The following LHPP variants were observed in gnomAD, a reference collection of about 807,000 sequenced individuals.
LHPP encodes hLHPP.
A neutral mutation model predicts 30.3 loss-of-function variants in LHPP; 24 were observed. The observed-to-expected ratio is 0.79, with a 90% CI of 0.57 to 1.11. The LOEUF is 1.11. LHPP is among the 50% of genes most tolerant of loss of function. The pLI, the probability that LHPP is intolerant of heterozygous loss-of-function variation, is 0.00. For synonymous variants in LHPP, 150 were observed against 157.1 expected, an observed-to-expected ratio of 0.95 and a Z score of 0.34; for missense variants, 356 against 367.2, an observed-to-expected ratio of 0.97 and a Z score of 0.25.
intron 5 of LHPP, among the ~76,000 whole-genome samples, chr10:124,502,718 G>C (rs1387222160): frequency 8.4e-6 from 1 of 119,266 alleles, no homozygotes. Context: ...CTGTCACCCA[G>C]GCTGGAGTAC....
intron 5 of LHPP, among the ~76,000 whole-genome samples, chr10:124,502,637 G>GGATTACA (rs1276426544): frequency 1.3e-5 from 2 of 148,846 alleles, no homozygotes; most frequent in Non-Finnish European, 3.0e-5. Context: ...CAAAGTGCCG[G>GGATTACA]GATTACAGAC....
At chr10:124,578,044 A>G (rs1028134728) in intron 6 of LHPP, among the ~76,000 whole-genome samples, 11 of 152,158 alleles carry the variant, frequency 7.2e-5, no homozygotes, top group Middle Eastern at 3.4e-3. Flanking sequence ...GAGTGGCCCC[A>G]GCCGAGAACC....
At chr10:124,568,946 TC>T (rs36056203) in intron 6 of LHPP, among the ~76,000 whole-genome samples, 72,437 of 151,718 alleles carry the variant, frequency 0.48, 17,858 homozygotes, top group South Asian at 0.66. Flanking sequence ...GCATGTTCTG[TC>T]CCCCCCACGG....
At chr10:124,492,428 T>C (rs1347067159) in intron 3 of LHPP, among the ~76,000 whole-genome samples, 1 of 152,182 alleles carries the variant, frequency 6.6e-6, no homozygotes, top group East Asian at 1.9e-4. Flanking sequence ...AGGGCAGGGC[T>C]GGCAGGCTAG....
intron 1 of LHPP, among the ~76,000 whole-genome samples, chr10:124,474,455 G>A (rs910111055): frequency 6.6e-6 from 1 of 152,048 alleles, no homozygotes; most frequent in South Asian, 2.1e-4. Context: ...AAGTCTTGTA[G>A]TTGTTGAACT....
intron 5 of LHPP, among the ~76,000 whole-genome samples, chr10:124,499,367 G>A (rs929553805): frequency 3.3e-5 from 5 of 151,844 alleles, no homozygotes; most frequent in Admixed American, 6.5e-5. Flanking sequence ...GTGGGCAGCC[G>A]GCATGGAGGC....
At chr10:124,474,170 C>G (rs1358442577) in intron 1 of LHPP, among the ~76,000 whole-genome samples, 1 of 115,360 alleles carries the variant, frequency 8.7e-6, no homozygotes, top group Non-Finnish European at 1.7e-5. Flanking sequence ...GACAGGGTCT[C>G]ACTTTGTCAC....
In LHPP at chr10:124,498,058, A is replaced by AG. The variant is rs1953780626; in HGVS notation, c.556dup (p.Val186GlyfsTer8). ...CAGTATGCCTGTGGCATCAAAGCCGAGGTGGTGGGGAAGCCTTCTCCTGAG... is the reference window on the plus strand; with the variant it reads ...CAGTATGCCTGTGGCATCAAAGCCGAGGGTGGTGGGGAAGCCTTCTCCTGAG... On this transcript the variant is annotated frameshift_variant, in exon 5 of 7. Transcript: ENST00000368842. LOFTEE classifies it high-confidence loss of function. 1 of 1,614,020 alleles carries AG rather than the reference A, an allele frequency of 6.2e-7. No individual in the cohort carries two copies. The highest frequency in any genetic ancestry group is 8.5e-7 in the Non-Finnish European group (1 of 1,179,940).
intron 6 of LHPP, among the ~76,000 whole-genome samples, chr10:124,534,782 G>A (rs1266473624): frequency 6.6e-6 from 1 of 152,226 alleles, no homozygotes; most frequent in African/African-American, 2.4e-5. Flanking sequence ...GGCGCTGTCG[G>A]TGGTGTGGCT....
intron 4 of LHPP, among the ~76,000 whole-genome samples, chr10:124,497,640 C>T (rs968848033): frequency 8.7e-4 from 132 of 152,304 alleles, no homozygotes; most frequent in African/African-American, 3.1e-3. Context: ...GAGGGAGAGG[C>T]AGACGAGCAG....
rs1293255607 is a variant in LHPP, at chr10:124,461,887, G to C, written c.25G>C (p.Ala9Pro). 5.6e-6 allele frequency: 7 copies of C among 1,257,218 alleles called. No individual in the cohort carries two copies. In the East Asian group the frequency reaches 1.8e-4, roughly 33 times the overall value. 77.9% of individuals were successfully genotyped at this position (1,257,218 alleles called of 1,614,324 possible). Residue 9 changes from alanine (A) to proline (P), a missense_variant, in exon 1 of 7, where the codon GCT (alanine) becomes CCT (proline). Physicochemically the swap from Ala to Pro is conservative, Grantham distance 27. Transcript: ENST00000368842. MAPWGKRL[A>P]GVRGVLLDIS... ...CATGGCACCGTGGGGCAAGCGGCTG[G>C]CTGGCGTGCGCGGGGTGCTGCTTGA...
At chr10:124,522,022 G>A (rs1394530657) in intron 6 of LHPP, among the ~76,000 whole-genome samples, 1 of 152,160 alleles carries the variant, frequency 6.6e-6, no homozygotes, top group Non-Finnish European at 1.5e-5. Flanking sequence ...TTATAAAATG[G>A]CCCAAAGAGA....
intron 1 of LHPP, among the ~76,000 whole-genome samples, chr10:124,480,955 T>C (rs1270078203): frequency 6.6e-6 from 1 of 152,118 alleles, no homozygotes; most frequent in East Asian, 1.9e-4. Context: ...CTGTTTCTGT[T>C]GGGGGTTATA....
In LHPP at chr10:124,613,760, T is replaced by C. The variant is rs1464161577; in HGVS notation, c.*400T>C. On this transcript the variant is annotated 3_prime_UTR_variant, in exon 7 of 7. Coordinates refer to ENST00000368842, the MANE Select transcript of LHPP (RefSeq NM_022126.4). Reference sequence around the variant, plus strand: ...CACCTAACCAGATTCAGGGGCACTATGCCCACTGCCTCCTCTTCAGACTCT... The same window carrying C: ...CACCTAACCAGATTCAGGGGCACTACGCCCACTGCCTCCTCTTCAGACTCT... 2 of 246,044 alleles carry C rather than the reference T, an allele frequency of 8.1e-6. No homozygotes were observed. Among genetic ancestry groups the C allele is most frequent in the Non-Finnish European group, 1.6e-5 (2 of 124,732 alleles). 15.2% of individuals were successfully genotyped at this position (246,044 alleles called of 1,614,324 possible). A position where few individuals can be genotyped will look rare whatever the true frequency, so the allele number is the denominator to read the frequency against.
intron 1 of LHPP, among the ~76,000 whole-genome samples, chr10:124,467,072 T>C (rs1012014007): frequency 3.3e-5 from 5 of 151,620 alleles, no homozygotes; most frequent in Admixed American, 2.0e-4. Context: ...TGCCGTGAGC[T>C]ATGAATGTGC....
chr10:124,583,083 T>C (rs1948761704), intron 6 of LHPP, among the ~76,000 whole-genome samples: 1 of 152,140 alleles, frequency 6.6e-6, no homozygotes, highest in African/African-American at 2.4e-5. Context: ...TTCTCATATT[T>C]TGTGGGTTGT....
At chr10:124,598,069 C>T (rs1948972954) in intron 6 of LHPP, among the ~76,000 whole-genome samples, 1 of 152,186 alleles carries the variant, frequency 6.6e-6, no homozygotes, top group South Asian at 2.1e-4. Context: ...GGCCTCCCAG[C>T]CCCAACTCTG....
At chr10:124,474,922 G>A (rs1402915884) in intron 1 of LHPP, among the ~76,000 whole-genome samples, 1 of 151,884 alleles carries the variant, frequency 6.6e-6, no homozygotes, top group Non-Finnish European at 1.5e-5. Flanking sequence ...CTCTCAGAAT[G>A]TACCTGCCCC....
chr10:124,569,101 C>A (rs1319218212), intron 6 of LHPP, among the ~76,000 whole-genome samples: 1 of 152,180 alleles, frequency 6.6e-6, no homozygotes, highest in Non-Finnish European at 1.5e-5. Context: ...GTCTTGTCCC[C>A]CTCCACATGC....
Sources: gnomAD v4.1 joint callset for allele counts (sites outside exome capture counted in the v4.1 genomes callset) on GRCh38, gnomAD v4.1.1 for gene constraint, MANE v1.5 for transcripts, NCBI Gene and HGNC (gene_info 2026-07-23, HGNC 2026-07-21) for gene names.